FANCC: variants seen among roughly 807,000 people sequenced by gnomAD.
The protein encoded by FANCC is FA complementation group C, also known as Fanconi anemia group C protein.
Under a neutral mutation model 71.3 loss-of-function variants are expected in FANCC, and 55 were observed. The ratio of observed to expected loss-of-function variants is 0.77; its 90% confidence interval spans 0.62 to 0.97. FANCC has a LOEUF of 0.97. FANCC is among the 50% of genes least tolerant of loss of function. The pLI is 0.00. For missense variants in FANCC, 678 were observed against 670.9 expected (o/e 1.01, Z -0.12); for synonymous variants, 275 against 244.9 (o/e 1.12, Z -1.15).
At chr9:95,228,583 A>C (rs951514663) in intron 4 of FANCC, among the ~76,000 whole-genome samples, 1 of 152,240 alleles carries the variant, frequency 6.6e-6, no homozygotes, top group Admixed American at 6.5e-5. Context: ...CTCATGGAAC[A>C]TGTAACTTAG....
At chr9:95,209,759 T>C (rs1159649906) in intron 4 of FANCC, among the ~76,000 whole-genome samples, 3 of 152,154 alleles carry the variant, frequency 2.0e-5, no homozygotes, top group Admixed American at 6.5e-5. Context: ...ATTCATCTGC[T>C]TCCCTCCATT....
intron 4 of FANCC, among the ~76,000 whole-genome samples, chr9:95,224,976 G>T (rs1041562734): frequency 2.0e-5 from 3 of 152,142 alleles, no homozygotes; most frequent in Non-Finnish European, 4.4e-5. Flanking sequence ...AATACACTTG[G>T]TTCCTCTGCC....
chr9:95,295,344 CCAAAA>C (rs1206898811), intron 1 of FANCC, among the ~76,000 whole-genome samples: 4 of 151,888 alleles, frequency 2.6e-5, no homozygotes, highest in East Asian at 1.9e-4. Flanking sequence ...CAGCTCAATA[CCAAAA>C]CAAAACAAAA....
chr9:95,293,086 A>G lies in FANCC; in HGVS notation c.-79+24440T>C. The G allele has an allele frequency of 2.5e-6, 4 of 1,611,262 alleles. No homozygotes were observed. The South Asian group carries it at 4.4e-5, about 18-fold the overall frequency. On this transcript the variant is annotated intron_variant, in intron 1 of 14. Coordinates refer to ENST00000289081, the MANE Select transcript of FANCC (RefSeq NM_000136.3). ...CACTGAATCATTTAACAACCAACCAATCCCTAGACCAGACACCCAAGAACT... is the reference window on the plus strand; with the variant it reads ...CACTGAATCATTTAACAACCAACCAGTCCCTAGACCAGACACCCAAGAACT...
chr9:95,292,548 T>TA (rs1449412150), intron 1 of FANCC: 1 of 1,479,086 alleles, frequency 6.8e-7, no homozygotes. Context: ...GATCCAGCAG[T>TA]AGGTGAGCGA....
intron 7 of FANCC, 144 bp downstream of exon 7, chr9:95,149,779 G>A (rs991119510): frequency 2.6e-4 from 247 of 967,766 alleles, no homozygotes; most frequent in Non-Finnish European, 3.2e-4. Flanking sequence ...ACACCTGGCC[G>A]GGATACTCAG....
chr9:95,272,598 G>C (rs1027100786), intron 1 of FANCC, among the ~76,000 whole-genome samples: 3 of 152,112 alleles, frequency 2.0e-5, no homozygotes, highest in Non-Finnish European at 2.9e-5. Context: ...TCGGGAGGCT[G>C]TGGCGAGAAT....
In FANCC at chr9:95,137,778, G is replaced by C. The variant is rs56025140; in HGVS notation, c.687-2276C>G. Among the ~76,000 whole-genome samples, 574 of 152,324 alleles carry C rather than the reference G, an allele frequency of 3.8e-3. 2 individuals are homozygous for C. Among genetic ancestry groups the C allele is most frequent in the African/African-American group, 0.013 (555 of 41,564 alleles). On this transcript the variant is annotated intron_variant, in intron 7 of 14. Coordinates refer to ENST00000289081, the MANE Select transcript of FANCC (RefSeq NM_000136.3). ...AGTGTGGAGGCAGGCAGGGGAGGAG[G>C]AGCAGCTGCAGATGGCAGGAGGCAC...
At chr9:95,249,717 A>G (rs1289076953) in intron 1 of FANCC, among the ~76,000 whole-genome samples, 1 of 152,214 alleles carries the variant, frequency 6.6e-6, no homozygotes, top group Non-Finnish European at 1.5e-5. Flanking sequence ...TTTTAATGTA[A>G]TAGAAAATAA....
At chr9:95,271,971 C>T (rs1390556194) in intron 1 of FANCC, among the ~76,000 whole-genome samples, 1 of 84,400 alleles carries the variant, frequency 1.2e-5, no homozygotes, top group Non-Finnish European at 2.3e-5. Flanking sequence ...GAGTCTCGCT[C>T]TGTCGCCCAG....
chr9:95,172,219 C>T, intron 4 of FANCC, 72 bp from the exon 5 acceptor site: 3 of 955,946 alleles, frequency 3.1e-6, no homozygotes, highest in Admixed American at 3.9e-5. Context: ...ACAATGCCTA[C>T]AATTTATTTG....
At chr9:95,163,047 A>G (rs1232008797) in intron 6 of FANCC, among the ~76,000 whole-genome samples, 1 of 152,162 alleles carries the variant, frequency 6.6e-6, no homozygotes, top group Non-Finnish European at 1.5e-5. Flanking sequence ...ATGCCATGAC[A>G]CTTTTCTCCT....
At chr9:95,128,165 T>C (rs1042784853) in intron 8 of FANCC, among the ~76,000 whole-genome samples, 1 of 152,184 alleles carries the variant, frequency 6.6e-6, no homozygotes, top group African/African-American at 2.4e-5. Context: ...ATAAAAGTTA[T>C]TAAGAGGTCA....
intron 4 of FANCC, among the ~76,000 whole-genome samples, chr9:95,175,528 A>C (rs935152262): frequency 2.0e-4 from 31 of 152,332 alleles, no homozygotes; most frequent in African/African-American, 7.5e-4. Flanking sequence ...CATAGCCCCA[A>C]GAGAGTTCGT....
At chr9:95,124,952 C>T (rs1451760216) in intron 10 of FANCC, 134 bp downstream of exon 10, 3 of 761,328 alleles carry the variant, frequency 3.9e-6, no homozygotes, top group Non-Finnish European at 6.8e-6. Context: ...TTTGTTGGGG[C>T]ACTCATTAGG....
At chr9:95,252,776 A>AC (rs1831431115) in intron 1 of FANCC, among the ~76,000 whole-genome samples, 1 of 148,890 alleles carries the variant, frequency 6.7e-6, no homozygotes, top group Non-Finnish European at 1.5e-5. Flanking sequence ...CAGGCCTGGA[A>AC]CAGTGGCTCA....
intron 4 of FANCC, among the ~76,000 whole-genome samples, chr9:95,216,622 A>T (rs1828879815): frequency 6.6e-6 from 1 of 152,244 alleles, no homozygotes; most frequent in Non-Finnish European, 1.5e-5. Context: ...CAACAATAAG[A>T]ATAATGTCTT....
intron 13 of FANCC, among the ~76,000 whole-genome samples, chr9:95,109,066 T>C (rs1325136800): frequency 1.3e-5 from 2 of 152,110 alleles, no homozygotes; most frequent in African/African-American, 2.4e-5. Flanking sequence ...CACATTACCA[T>C]ACCTGGCTAA....
intron 5 of FANCC, among the ~76,000 whole-genome samples, chr9:95,171,686 C>T (rs1825689078): frequency 6.6e-6 from 1 of 152,062 alleles, no homozygotes; most frequent in Non-Finnish European, 1.5e-5. Context: ...ACAGAAAATT[C>T]CAATCAGGTT....
Sources: gnomAD v4.1 joint callset for allele counts (sites outside exome capture counted in the v4.1 genomes callset) on GRCh38, gnomAD v4.1.1 for gene constraint, MANE v1.5 for transcripts, NCBI Gene and HGNC (gene_info 2026-07-23, HGNC 2026-07-21) for gene names.